ELAVL4: variants seen among roughly 807,000 people sequenced by gnomAD.
ELAVL4 encodes the protein ELAV like RNA binding protein 4.
Under a neutral mutation model 35.6 loss-of-function variants are expected in ELAVL4, and 1 was observed. The observed-to-expected ratio is 0.03, with a 90% CI of 0.01 to 0.13. The LOEUF is 0.13. ELAVL4 is among the 10% of genes least tolerant of loss of function. ELAVL4 has a pLI of 1.00. For missense variants in ELAVL4, 267 were observed against 464.9 expected (o/e 0.57, Z 3.91); for synonymous variants, 156 against 171.0 (o/e 0.91, Z 0.69).
chr1:50,051,527 C>A (rs1315002810), intron 1 of ELAVL4, among the ~76,000 whole-genome samples: 1 of 152,098 alleles, frequency 6.6e-6, no homozygotes, highest in African/African-American at 2.4e-5. Flanking sequence ...TATATTCTCT[C>A]TAAAAAGTGG....
upstream of ELAVL4, chr1:50,103,938 C>A (rs193150754): frequency 3.8e-4 from 617 of 1,613,784 alleles, 4 homozygotes; most frequent in African/African-American, 7.6e-3. Context: ...TGCTGTTGCA[C>A]GTGAATGCTC....
At chr1:50,199,272 C>A (rs943337292) in intron 6 of ELAVL4, among the ~76,000 whole-genome samples, 1 of 152,206 alleles carries the variant, frequency 6.6e-6, no homozygotes, top group Non-Finnish European at 1.5e-5. Flanking sequence ...ACTTTCAAAT[C>A]TCCAAGAATA....
At chr1:50,195,315 G>C (rs1172273033) in intron 4 of ELAVL4, among the ~76,000 whole-genome samples, 1 of 152,164 alleles carries the variant, frequency 6.6e-6, no homozygotes, top group Non-Finnish European at 1.5e-5. Context: ...AGTGATAGAG[G>C]ACTAGAGGGG....
chr1:50,070,552 C>T (rs949032648), intron 1 of ELAVL4, among the ~76,000 whole-genome samples: 3 of 152,214 alleles, frequency 2.0e-5, no homozygotes, highest in Admixed American at 6.5e-5. Context: ...ACCAGCCTGA[C>T]CAACATGGTG....
upstream of ELAVL4, chr1:50,106,405 A>G (rs778738766): frequency 1.9e-6 from 3 of 1,606,188 alleles, no homozygotes; most frequent in Non-Finnish European, 2.6e-6. Context: ...TAAGAGGAAT[A>G]CAGCGGCGCT....
chr1:50,186,410 T>C (rs1681832459), intron 3 of ELAVL4, among the ~76,000 whole-genome samples: 1 of 152,206 alleles, frequency 6.6e-6, no homozygotes, highest in Non-Finnish European at 1.5e-5. Context: ...ATCACACTTG[T>C]AGTGCCTGGG....
intron 2 of ELAVL4, among the ~76,000 whole-genome samples, chr1:50,162,312 A>G (rs1023003915): frequency 6.6e-6 from 1 of 152,208 alleles, no homozygotes; most frequent in Non-Finnish European, 1.5e-5. Flanking sequence ...TATGTACCAG[A>G]CATTGGTCAT....
intron 2 of ELAVL4, among the ~76,000 whole-genome samples, chr1:50,149,917 A>G (rs143337668): frequency 1.3e-5 from 2 of 152,290 alleles, no homozygotes; most frequent in East Asian, 3.9e-4. Flanking sequence ...CTATTAAGAG[A>G]CAAGTATATG....
chr1:50,059,366 T>C (rs1167089831), intron 1 of ELAVL4, among the ~76,000 whole-genome samples: 1 of 152,202 alleles, frequency 6.6e-6, no homozygotes, highest in Non-Finnish European at 1.5e-5. Context: ...TTATTTGCAT[T>C]TGGAAGCCTC....
At chr1:50,061,532 C>G (rs1368928966) in intron 1 of ELAVL4, among the ~76,000 whole-genome samples, 4 of 152,168 alleles carry the variant, frequency 2.6e-5, no homozygotes, top group Non-Finnish European at 5.9e-5. Flanking sequence ...CATGTTTAAT[C>G]CATAGTAACT....
intron 1 of ELAVL4, among the ~76,000 whole-genome samples, chr1:50,090,603 C>T (rs1665447919): frequency 6.6e-6 from 1 of 152,170 alleles, no homozygotes; most frequent in Non-Finnish European, 1.5e-5. Flanking sequence ...ATGCTATACT[C>T]CACTCAGTCA....
chr1:50,106,297 T>C, upstream of ELAVL4: 1 of 1,612,242 alleles, frequency 6.2e-7, no homozygotes, highest in East Asian at 2.2e-5. Context: ...ATCTGCAACC[T>C]TTGGGATGTG....
intron 1 of ELAVL4, among the ~76,000 whole-genome samples, chr1:50,077,841 C>G (rs1557689821): frequency 6.6e-6 from 1 of 152,182 alleles, no homozygotes; most frequent in African/African-American, 2.4e-5. Context: ...TTAATTCTCT[C>G]AATAACTTTA....
intron 4 of ELAVL4, 152 bp downstream of exon 4, chr1:50,194,070 A>T: frequency 9.7e-7 from 1 of 1,032,900 alleles, no homozygotes; most frequent in Non-Finnish European, 1.4e-6. Flanking sequence ...CTTATCGGTC[A>T]ACTGCCCAAA....
chr1:50,059,623 A>G (rs1298530541), intron 1 of ELAVL4, among the ~76,000 whole-genome samples: 1 of 152,190 alleles, frequency 6.6e-6, no homozygotes, highest in Non-Finnish European at 1.5e-5. Context: ...ATATACCCAA[A>G]GGAATAGAAA....
At chr1:50,102,622 T>C (rs552423958), upstream of ELAVL4, among the ~76,000 whole-genome samples, 2 of 152,236 alleles carry the variant, frequency 1.3e-5, no homozygotes, top group Non-Finnish European at 2.9e-5. Flanking sequence ...ACTATATCCT[T>C]TAATGGTATG....
At chr1:50,074,107 A>T (rs1664656628) in intron 1 of ELAVL4, among the ~76,000 whole-genome samples, 1 of 152,156 alleles carries the variant, frequency 6.6e-6, no homozygotes, top group South Asian at 2.1e-4. Context: ...GGGGCCATAG[A>T]TGTGCTGGCC....
rs79883978 is a variant in ELAVL4 at position 50,089,005 on chromosome 1, A to G, written c.18+40823A>G. ...ATTTCACAGCTGATGGTGCTAACCC[A>G]TGGCAAGGCTTGAAGTCTCCACAGC... is the stretch of plus-strand genomic sequence containing the variant. On this transcript the variant is annotated intron_variant, in intron 1 of 6. Transcript: ENST00000448907. Among the ~76,000 whole-genome samples, 23 of 152,328 alleles carry G rather than the reference A, an allele frequency of 1.5e-4. No homozygotes were observed. The East Asian group carries it at 4.2e-3, about 28-fold the overall frequency.
intron 1 of ELAVL4, among the ~76,000 whole-genome samples, chr1:50,133,433 C>G (rs1199070152): frequency 6.6e-6 from 1 of 152,056 alleles, no homozygotes; most frequent in Non-Finnish European, 1.5e-5. Flanking sequence ...AGTTTTACTC[C>G]TGCCTCCACT....
Sources: gnomAD v4.1 joint callset for allele counts (sites outside exome capture counted in the v4.1 genomes callset) on GRCh38, gnomAD v4.1.1 for gene constraint, MANE v1.5 for transcripts, NCBI Gene and HGNC (gene_info 2026-07-23, HGNC 2026-07-21) for gene names.